The following RASSF2 variants were observed in gnomAD, a reference collection of about 807,000 sequenced individuals.
The protein encoded by RASSF2 is Ras association domain family member 2, also known as ras association domain-containing protein 2.
A neutral mutation model predicts 46.3 loss-of-function variants in RASSF2; 34 were observed. The observed-to-expected ratio is 0.73, with a 90% CI of 0.56 to 0.98. The LOEUF is 0.98. RASSF2 is among the 50% of genes least tolerant of loss of function. The pLI is 0.00. For missense variants in RASSF2, 364 were observed against 431.2 expected, an observed-to-expected ratio of 0.84 and a Z score of 1.38; for synonymous variants, 158 against 162.5, an observed-to-expected ratio of 0.97 and a Z score of 0.21.
In RASSF2 at chr20:4,788,273, A is replaced by G; in HGVS notation, c.640-5T>C. The stretch of plus-strand genomic sequence containing the variant: ...CTCCTCTGCTGAATTCTCAATCTGA[A>G]GCAGGAGCAAAAGATTCTTGTTGAA... On this transcript the variant is annotated splice_region_variant and splice_polypyrimidine_tract_variant and intron_variant, in intron 8 of 11. Coordinates refer to ENST00000379400, the MANE Select transcript of RASSF2 (RefSeq NM_014737.3). 1 of 1,605,528 alleles carries G rather than the reference A, an allele frequency of 6.2e-7. No individual in the cohort carries two copies. The highest frequency in any genetic ancestry group is 2.2e-5 in the East Asian group (1 of 44,832).
intron 2 of RASSF2, among the ~76,000 whole-genome samples, chr20:4,818,862 G>A (rs974563435): frequency 6.6e-6 from 1 of 152,182 alleles, no homozygotes; most frequent in Non-Finnish European, 1.5e-5. Context: ...TATGTGCCAG[G>A]CTAAGCACAT....
At position 4,782,313 on chromosome 20, in the gene RASSF2, A is replaced by G. The variant is rs1394673377; in HGVS notation, c.*1960T>C. On this transcript the variant is annotated 3_prime_UTR_variant, in exon 12 of 12. Transcript: ENST00000379400. ...ACTGGGGCCAACTAAGGCCCTGAAC[A>G]TTCAAAATAAAAATTACCAGAAGAG... 3.3e-5 allele frequency: 5 copies of G among 152,682 alleles called. No individual in the cohort carries two copies. The highest frequency in any genetic ancestry group is 5.9e-5 in the Non-Finnish European group (4 of 68,050). 9.5% of individuals were successfully genotyped at this position (152,682 alleles called of 1,614,324 possible). A position where few individuals can be genotyped will look rare whatever the true frequency, so the allele number is the denominator to read the frequency against.
In RASSF2 at chr20:4,802,882, G is replaced by GTATATATATATATACATA. The variant is rs1926997585; in HGVS notation, c.-32-1838_-32-1821dup. On this transcript the variant is annotated intron_variant, in intron 2 of 11. Coordinates refer to ENST00000379400, the MANE Select transcript of RASSF2 (RefSeq NM_014737.3). Reference sequence around the variant, plus strand: ...TACATATACACGTGTATGTGTGTGTGTATATATATATATACATATATATAT... The same window carrying GTATATATATATATACATA: ...TACATATACACGTGTATGTGTGTGTGTATATATATATATACATATATATATATATATACATATATATAT... Among the ~76,000 whole-genome samples, 4 of 134,526 alleles carry GTATATATATATATACATA rather than the reference G, an allele frequency of 3.0e-5. No homozygotes were observed. In the South Asian group the frequency reaches 9.3e-4, roughly 31 times the overall value. 88.3% of individuals were successfully genotyped at this position (134,526 alleles called of 152,430 possible). A position where few individuals can be genotyped will look rare whatever the true frequency, so the allele number is the denominator to read the frequency against.
chr20:4,796,699 T>C (rs771642083), intron 4 of RASSF2, among the ~76,000 whole-genome samples: 12 of 152,240 alleles, frequency 7.9e-5, no homozygotes, highest in Non-Finnish European at 1.5e-4. Flanking sequence ...ATATGTTCTA[T>C]CCCGAAGAAT....
At position 4,790,651 on chromosome 20, in the gene RASSF2, C is replaced by T; in HGVS notation, c.377-40G>A. On this transcript the variant is annotated intron_variant, in intron 6 of 11. Coordinates refer to ENST00000379400, the MANE Select transcript of RASSF2 (RefSeq NM_014737.3). This position sits in a 1 kb window ranked among gnomAD's most constrained non-coding sequence, Gnocchi z 4.3. ...GGAAATGAACTCTGTCTGTCTGGAC[C>T]TGGGACATGGCACATGGTCCCCAAT... 2 of 1,492,470 alleles carry T rather than the reference C, an allele frequency of 1.3e-6. No homozygotes were observed. Among genetic ancestry groups the T allele is most frequent in the Non-Finnish European group, 8.8e-7 (1 of 1,130,098 alleles). 92.5% of individuals were successfully genotyped at this position (1,492,470 alleles called of 1,614,324 possible).
intron 8 of RASSF2, 65 bp from the exon 9 acceptor site, chr20:4,788,333 T>C: frequency 2.0e-6 from 3 of 1,468,132 alleles, no homozygotes; most frequent in Non-Finnish European, 2.9e-6. Context: ...TCGAGGCTTT[T>C]CCTCTTCTTT....
At chr20:4,788,038 C>T (rs1469389755) in intron 9 of RASSF2, among the ~76,000 whole-genome samples, 179 bp downstream of exon 9, 1 of 152,124 alleles carries the variant, frequency 6.6e-6, no homozygotes, top group Non-Finnish European at 1.5e-5. Flanking sequence ...AATTTGTTTA[C>T]TGGCCATATA....
intron 2 of RASSF2, among the ~76,000 whole-genome samples, chr20:4,821,255 G>A (rs577566324): frequency 2.0e-5 from 3 of 152,132 alleles, no homozygotes; most frequent in Non-Finnish European, 4.4e-5. Flanking sequence ...ACAAACTGGC[G>A]AGAAGACCTG....
rs569533804 is a variant in RASSF2 at position 4,796,229 on chromosome 20, G to A, written c.136-263C>T. Among the ~76,000 whole-genome samples the A allele has an allele frequency of 1.1e-3, 162 of 152,274 alleles. 1 individual carries two copies. The highest frequency in any genetic ancestry group is 1.1e-3 in the Admixed American group (17 of 15,298). On this transcript the variant is annotated intron_variant, in intron 4 of 11. Coordinates refer to ENST00000379400, the MANE Select transcript of RASSF2 (RefSeq NM_014737.3). ...AATACATAGGTATAAATTATAAAAA[G>A]CATTGTTTTTCTTTTTATCCTAATG...
At chr20:4,800,877 AGTGGGGG>A (rs1926805896) in intron 3 of RASSF2, 88 bp downstream of exon 3, 1 of 1,028,512 alleles carries the variant, frequency 9.7e-7, no homozygotes, top group African/African-American at 1.6e-5. Context: ...TCTGATATAC[AGTGGGGG>A]GCCCTCTGCC....
rs189632950 is a variant in RASSF2 at position 4,812,738 on chromosome 20, G to A, written c.-33+9591C>T. ...TTAGTCCCTCCAAGAACCTCAGGGG[G>A]AAGACTTCACTTTACAAATGAGGAA... On this transcript the variant is annotated intron_variant, in intron 2 of 11. Coordinates refer to ENST00000379400, the MANE Select transcript of RASSF2 (RefSeq NM_014737.3). This position sits in a 1 kb window ranked among gnomAD's most constrained non-coding sequence, Gnocchi z 4.0. Among the ~76,000 whole-genome samples, 17 of 152,338 alleles carry A rather than the reference G, an allele frequency of 1.1e-4. No individual in the cohort carries two copies. The East Asian group carries it at 3.1e-3, about 28-fold the overall frequency.
chr20:4,800,133 G>C (rs1357812631), intron 3 of RASSF2, among the ~76,000 whole-genome samples: 1 of 151,750 alleles, frequency 6.6e-6, no homozygotes, highest in African/African-American at 2.4e-5. Flanking sequence ...AAGAGATAGA[G>C]AAATCTTATG....
chr20:4,788,151 A>G (rs1338903175), intron 9 of RASSF2, 66 bp downstream of exon 9: 1 of 1,403,330 alleles, frequency 7.1e-7, no homozygotes. Flanking sequence ...AGGCAGAGGT[A>G]TTTTTTTAAC....
At chr20:4,788,142 G>A (rs889915174) in intron 9 of RASSF2, 75 bp downstream of exon 9, 59 of 1,328,438 alleles carry the variant, frequency 4.4e-5, no homozygotes, top group Admixed American at 1.1e-4. Context: ...AAGCAAAGGA[G>A]GCAGAGGTAT....
In RASSF2 at chr20:4,789,611, C is replaced by T; in HGVS notation, c.624G>A (p.Leu208=). The part of the protein sequence containing the change: ...TMTTPQVLKL[L]LNKFKIENSA... ...GGGAACTTGCCTTAAATTTGTTGAG[C>T]AGCAGCTTCAGGACCTGTGGGGTGG... Residue 208 remains leucine, a synonymous_variant, in exon 8 of 12, where the codon CTG becomes CTA. Transcript: ENST00000379400. 2 of 1,614,142 alleles carry T rather than the reference C, an allele frequency of 1.2e-6. No homozygotes were observed. The highest frequency in any genetic ancestry group is 8.5e-7 in the Non-Finnish European group (1 of 1,179,992).
rs1156316029 is a variant in RASSF2 at position 4,795,959 on chromosome 20, T to TCTTCTTCC, written c.136-1_142dup (p.Asp48GlyfsTer12). ...CAGGAGCCCCTCCACAATGAACTCG[T>TCTTCTTCC]CTTCTTCCTGCCCACAAAGCAATCA... On this transcript the variant is annotated frameshift_variant, in exon 5 of 12. Coordinates refer to ENST00000379400, the MANE Select transcript of RASSF2 (RefSeq NM_014737.3). LOFTEE classifies it high-confidence loss of function. The surrounding 1 kb of genome is among the most constrained non-coding windows in gnomAD (Gnocchi z 4.0). 4.6e-6 allele frequency: 7 copies of TCTTCTTCC among 1,519,956 alleles called. No individual in the cohort carries two copies. The Admixed American group carries it at 6.1e-5, about 13-fold the overall frequency. 94.2% of individuals were successfully genotyped at this position (1,519,956 alleles called of 1,614,324 possible). A position where few individuals can be genotyped will look rare whatever the true frequency, so the allele number is the denominator to read the frequency against.
intron 2 of RASSF2, among the ~76,000 whole-genome samples, chr20:4,821,751 C>T (rs1312286464): frequency 6.6e-6 from 1 of 152,212 alleles, no homozygotes; most frequent in Admixed American, 6.5e-5. Context: ...GGCAAGAACA[C>T]CCGCTCTTTC....
chr20:4,801,157 C>T lies in RASSF2; in HGVS notation c.-32-95G>A, dbSNP rs1044326986. ...TGGGGAGGGGGCACAAAATTGGACGCCATGGCTCTCCGTTCCTCCCCACCC... is the reference window on the plus strand; with the variant it reads ...TGGGGAGGGGGCACAAAATTGGACGTCATGGCTCTCCGTTCCTCCCCACCC... On this transcript the variant is annotated intron_variant, in intron 2 of 11. Transcript: ENST00000379400. 4 of 848,540 alleles carry T rather than the reference C, an allele frequency of 4.7e-6. No individual in the cohort carries two copies. In the African/African-American group the frequency reaches 5.0e-5, roughly 11 times the overall value. 52.6% of individuals were successfully genotyped at this position (848,540 alleles called of 1,614,324 possible).
intron 11 of RASSF2, among the ~76,000 whole-genome samples, chr20:4,785,785 A>G (rs749076064): frequency 6.6e-6 from 1 of 152,086 alleles, no homozygotes; most frequent in Non-Finnish European, 1.5e-5. Flanking sequence ...CCTTGAGGTT[A>G]CCCCAGACTC....
Sources: gnomAD v4.1 joint callset for allele counts (sites outside exome capture counted in the v4.1 genomes callset) on GRCh38, gnomAD v4.1.1 for gene constraint, Gnocchi (gnomAD v3.1) non-coding constraint, MANE v1.5 for transcripts, NCBI Gene and HGNC (gene_info 2026-07-23, HGNC 2026-07-21) for gene names.